The following CRACDL variants were observed in gnomAD, a reference collection of about 807,000 sequenced individuals.
CRACDL encodes the protein CRACD-like protein.
A neutral mutation model predicts 70.6 loss-of-function variants in CRACDL; 26 were observed. The ratio of observed to expected loss-of-function variants is 0.37; its 90% CI spans 0.27 to 0.51. The LOEUF is 0.51. CRACDL is among the 20% of genes least tolerant of loss of function. The probability of loss-of-function intolerance (pLI) is 0.94; values close to 1 mark genes in which losing one functional copy is unlikely to be tolerated. For synonymous variants in CRACDL, 618 were observed against 615.2 expected, an observed-to-expected ratio of 1.00 and a Z score of -0.07; for missense variants, 1,283 against 1,376.9, an observed-to-expected ratio of 0.93 and a Z score of 1.08.
intron 7 of CRACDL, among the ~76,000 whole-genome samples, chr2:98,820,315 AG>A (rs773906217): frequency 6.6e-6 from 1 of 151,550 alleles, no homozygotes; most frequent in Non-Finnish European, 1.5e-5. Flanking sequence ...AGATCACTTG[AG>A]GTCAGGAGCT....
At chr2:98,907,657 A>G (rs1201826476) in intron 1 of CRACDL, among the ~76,000 whole-genome samples, 1 of 152,190 alleles carries the variant, frequency 6.6e-6, no homozygotes, top group Non-Finnish European at 1.5e-5. Flanking sequence ...AGCCAGAGTG[A>G]ATGTGGGGCT....
At chr2:98,919,717 AT>A (rs1461950908) in intron 1 of CRACDL, among the ~76,000 whole-genome samples, 1 of 152,180 alleles carries the variant, frequency 6.6e-6, no homozygotes, top group African/African-American at 2.4e-5. Context: ...CATGTTGTCT[AT>A]TTCCATCACA....
At chr2:98,839,199 G>A (rs1356798548) in intron 2 of CRACDL, among the ~76,000 whole-genome samples, 1 of 152,114 alleles carries the variant, frequency 6.6e-6, no homozygotes, top group Non-Finnish European at 1.5e-5. Context: ...GCCTCCTTGG[G>A]AAGCTTACAT....
At chr2:98,836,468 C>T in intron 3 of CRACDL, among the ~76,000 whole-genome samples, 1 of 152,214 alleles carries the variant, frequency 6.6e-6, no homozygotes, top group East Asian at 1.9e-4. Context: ...GGCCAGCTCC[C>T]TGCAAGGTGC....
At chr2:98,860,772 C>T (rs1385255008) in intron 1 of CRACDL, among the ~76,000 whole-genome samples, 1 of 152,098 alleles carries the variant, frequency 6.6e-6, no homozygotes, top group Non-Finnish European at 1.5e-5. Context: ...AGTTTGACTT[C>T]AACATTATAA....
chr2:98,925,902 C>T (rs577830510), intron 1 of CRACDL, among the ~76,000 whole-genome samples: 1 of 152,066 alleles, frequency 6.6e-6, no homozygotes, highest in African/African-American at 2.4e-5. Context: ...CACACACACA[C>T]TTTATTAATT....
At chr2:98,869,836 T>C (rs1163773446) in intron 1 of CRACDL, among the ~76,000 whole-genome samples, 1 of 152,238 alleles carries the variant, frequency 6.6e-6, no homozygotes, top group Non-Finnish European at 1.5e-5. Flanking sequence ...GTCCTTGATA[T>C]GCTTTGTTAA....
At position 98,838,239 on chromosome 2, in the gene CRACDL, T is replaced by C; in HGVS notation, c.119A>G (p.Lys40Arg). The change falls in exon 3 of 10, where the codon AAG (lysine) becomes AGG (arginine). Residue 40 changes from lysine (K) to arginine (R), a missense_variant. Lys to Arg is a conservative substitution (Grantham distance 26). Transcript: ENST00000397899. ...GGACGACGGCGATTCTTTTCTCTTC[T>C]TCTTCCCAAAAAACTTCTTAAAAGT... Reference protein sequence around the residue: ...FKTFKKFFGKKKRKESPSSTG... With the variant: ...FKTFKKFFGKRKRKESPSSTG... 6.2e-7 allele frequency: 1 copy of C among 1,613,070 alleles called. No homozygotes were observed. The highest frequency in any genetic ancestry group is 8.5e-7 in the Non-Finnish European group (1 of 1,179,298).
chr2:98,830,732 A>G (rs1367260416), intron 5 of CRACDL, among the ~76,000 whole-genome samples: 2 of 152,196 alleles, frequency 1.3e-5, no homozygotes, highest in Admixed American at 1.3e-4. Context: ...GTGAGAGATA[A>G]AGTCAGGCTG....
chr2:98,800,682 T>C (rs1395162979), intron 7 of CRACDL, among the ~76,000 whole-genome samples: 1 of 152,226 alleles, frequency 6.6e-6, no homozygotes, highest in Non-Finnish European at 1.5e-5. Flanking sequence ...TGCCTCACTA[T>C]GTTTGGTACT....
rs376290515 is a variant in CRACDL, at chr2:98,819,665, AT to A, written c.2416+2191del. 5.0e-3 allele frequency among the ~76,000 whole-genome samples: 754 copies of A among 152,170 alleles called. 1 individual carries two copies. The highest frequency in any genetic ancestry group is 0.016 in the African/African-American group (676 of 41,498). ...TAAAAGAGCCAGAAAAGATTAGACT[AT>A]TTTGGAACTGTTTTCACATTGTTTT... On this transcript the variant is annotated intron_variant, in intron 7 of 9. Coordinates refer to ENST00000397899, the MANE Select transcript of CRACDL (RefSeq NM_207362.3).
chr2:98,853,518 A>G (rs1706566701), intron 1 of CRACDL, among the ~76,000 whole-genome samples: 1 of 152,200 alleles, frequency 6.6e-6, no homozygotes, highest in Non-Finnish European at 1.5e-5. Context: ...ACTACAGGAA[A>G]TGCAAAACAA....
At chr2:98,866,475 C>CTTTTTTTTTTTTTTTTTTTT (rs1173322192) in intron 1 of CRACDL, among the ~76,000 whole-genome samples, 4 of 43,232 alleles carry the variant, frequency 9.3e-5, no homozygotes, top group African/African-American at 4.0e-4. Context: ...ATCACTTCTT[C>CTTTTTTTTTTTTTTTTTTTT]TTTTTTTTTT....
chr2:98,881,298 G>A (rs763219974), intron 1 of CRACDL, among the ~76,000 whole-genome samples: 15 of 152,198 alleles, frequency 9.9e-5, no homozygotes, highest in Non-Finnish European at 1.6e-4. Flanking sequence ...GCCCCACCTG[G>A]GAGCAGGTCG....
intron 7 of CRACDL, among the ~76,000 whole-genome samples, chr2:98,816,715 A>C (rs1357980603): frequency 2.6e-5 from 4 of 152,242 alleles, no homozygotes; most frequent in African/African-American, 9.6e-5. Flanking sequence ...GTTGAGGAGC[A>C]GAGGAAAGAG....
chr2:98,917,984 G>C (rs571601752), intron 1 of CRACDL, among the ~76,000 whole-genome samples: 5 of 152,262 alleles, frequency 3.3e-5, no homozygotes, highest in Admixed American at 1.3e-4. Flanking sequence ...GTATTCCACT[G>C]TGTATATATA....
chr2:98,889,335 G>GAAAGAAAGAAAGAAAGA (rs1707900801), intron 1 of CRACDL, among the ~76,000 whole-genome samples: 1 of 115,866 alleles, frequency 8.6e-6, no homozygotes, highest in Admixed American at 8.5e-5. Flanking sequence ...AAGAAAGAAA[G>GAAAGAAAGAAAGAAAGA]AAAGAAAGGA....
chr2:98,876,361 G>A (rs1270792100), intron 1 of CRACDL, among the ~76,000 whole-genome samples: 1 of 152,168 alleles, frequency 6.6e-6, no homozygotes, highest in African/African-American at 2.4e-5. Flanking sequence ...CCCTTGGGCC[G>A]TGGACTGGTA....
intron 1 of CRACDL, among the ~76,000 whole-genome samples, chr2:98,910,213 C>T (rs1212490517): frequency 6.6e-6 from 1 of 152,098 alleles, no homozygotes; most frequent in Non-Finnish European, 1.5e-5. Flanking sequence ...ACTGTCTCAC[C>T]TCTGAAAACT....
Sources: gnomAD v4.1 joint callset for allele counts (sites outside exome capture counted in the v4.1 genomes callset) on GRCh38, gnomAD v4.1.1 for gene constraint, MANE v1.5 for transcripts, NCBI Gene and HGNC (gene_info 2026-07-23, HGNC 2026-07-21) for gene names.